MED12L: variants seen among roughly 807,000 people sequenced by gnomAD.
MED12L encodes the protein mediator of RNA polymerase II transcription subunit 12-like protein.
In MED12L, 60 loss-of-function variants were observed where a neutral mutation model predicts 281.3. That is an observed-to-expected ratio of 0.21 (90% CI 0.17 to 0.26). The LOEUF (loss-of-function observed/expected upper bound fraction) is 0.26. Ranked by LOEUF, MED12L falls within the 10% of genes least tolerant of loss-of-function variation. The probability of loss-of-function intolerance (pLI) is 1.00; values close to 1 mark genes in which losing one functional copy is unlikely to be tolerated. For synonymous variants in MED12L, 974 were observed against 987.2 expected (o/e 0.99, Z 0.25); for missense variants, 2,146 against 2,680.9 (o/e 0.80, Z 4.41).
At chr3:151,264,363 C>G (rs1024138664) in intron 16 of MED12L, among the ~76,000 whole-genome samples, 1 of 152,194 alleles carries the variant, frequency 6.6e-6, no homozygotes, top group African/African-American at 2.4e-5. Flanking sequence ...AATGGAAGAA[C>G]TGAACTCTTC....
rs1717576480 is a variant in MED12L at position 151,416,513 on chromosome 3, C to T, written c.6408+91C>T. 6 of 1,412,472 alleles carry T rather than the reference C, an allele frequency of 4.2e-6. No homozygotes were observed. In the South Asian group the frequency reaches 8.0e-5, roughly 19 times the overall value. The allele number at this position is 1,412,472 out of a possible 1,614,324, so 87.5% of individuals were successfully genotyped here. ...TGTTCATAAGATTGTTAAGAATCGA[C>T]AAAGCCTAAGTATACCCTAAAAATT... On this transcript the variant is annotated intron_variant, in intron 43 of 44. Coordinates refer to ENST00000687756, the MANE Select transcript of MED12L (RefSeq NM_001393769.1).
chr3:151,165,565 T>C (rs763030373), intron 10 of MED12L, 46 bp downstream of exon 10: 14 of 1,496,658 alleles, frequency 9.4e-6, no homozygotes, highest in Middle Eastern at 1.7e-4. Flanking sequence ...TGTTGGACTT[T>C]ATGCTGTGTT....
At chr3:151,373,781 A>C (rs944823200) in intron 27 of MED12L, among the ~76,000 whole-genome samples, 2 of 152,172 alleles carry the variant, frequency 1.3e-5, no homozygotes, top group African/African-American at 4.8e-5. Context: ...TGGTATTTTC[A>C]TAGTTTCTGG....
At chr3:151,320,994 A>G (rs1404074097) in intron 16 of MED12L, among the ~76,000 whole-genome samples, 2 of 152,204 alleles carry the variant, frequency 1.3e-5, no homozygotes, top group Non-Finnish European at 2.9e-5. Context: ...GTGTAGTTCC[A>G]CAGTGTTTGG....
chr3:151,205,823 C>G (rs1290363843), intron 16 of MED12L, among the ~76,000 whole-genome samples: 1 of 152,168 alleles, frequency 6.6e-6, no homozygotes, highest in African/African-American at 2.4e-5. Context: ...TCCGGTCCCC[C>G]TTCCCATTTA....
intron 2 of MED12L, among the ~76,000 whole-genome samples, chr3:151,100,177 T>G (rs1240942421): frequency 6.6e-6 from 1 of 152,210 alleles, no homozygotes; most frequent in Non-Finnish European, 1.5e-5. Context: ...GAGACGGAAT[T>G]GACACAGGGC....
chr3:151,413,299 C>T lies in MED12L; in HGVS notation c.6297+4C>T, dbSNP rs375418636. 108 of 1,613,502 alleles carry T rather than the reference C, an allele frequency of 6.7e-5. No homozygotes were observed. The highest frequency in any genetic ancestry group is 3.3e-4 in the Middle Eastern group (2 of 6,054). ...ACAGCAGCAGAGACTCCTCCAGGTACGGGGCAGGGAGATGAGGGCAATGCC... is the reference window on the plus strand; with the variant it reads ...ACAGCAGCAGAGACTCCTCCAGGTATGGGGCAGGGAGATGAGGGCAATGCC... On this transcript the variant is annotated splice_donor_region_variant and intron_variant, in intron 42 of 44. Coordinates refer to ENST00000687756, the MANE Select transcript of MED12L (RefSeq NM_001393769.1).
At chr3:151,272,952 G>C (rs1287850366) in intron 16 of MED12L, among the ~76,000 whole-genome samples, 1 of 152,116 alleles carries the variant, frequency 6.6e-6, no homozygotes, top group Admixed American at 6.6e-5. Context: ...AGTCCGAAGT[G>C]CTTCAATATC....
chr3:151,190,267 G>A (rs1033478105), intron 13 of MED12L, among the ~76,000 whole-genome samples: 3 of 151,934 alleles, frequency 2.0e-5, no homozygotes, highest in South Asian at 2.1e-4. Flanking sequence ...CGCCTCCCGG[G>A]TTCAAGCGAT....
chr3:151,280,331 G>A (rs1257347629), intron 16 of MED12L, among the ~76,000 whole-genome samples: 1 of 152,146 alleles, frequency 6.6e-6, no homozygotes, highest in African/African-American at 2.4e-5. Flanking sequence ...TGCATGTACT[G>A]TTCTAAACAC....
intron 16 of MED12L, chr3:151,328,082 G>A: frequency 6.2e-7 from 1 of 1,610,098 alleles, no homozygotes; most frequent in Non-Finnish European, 8.5e-7. Context: ...TAGCTTTTCT[G>A]TGAATTTTTT....
intron 16 of MED12L, among the ~76,000 whole-genome samples, chr3:151,318,851 G>A (rs906641051): frequency 6.6e-6 from 1 of 152,204 alleles, no homozygotes; most frequent in Non-Finnish European, 1.5e-5. Flanking sequence ...AACTTTATGT[G>A]TGATGGTGTT....
intron 16 of MED12L, among the ~76,000 whole-genome samples, chr3:151,221,897 T>C (rs553494190): frequency 2.7e-4 from 41 of 152,296 alleles, no homozygotes; most frequent in Middle Eastern, 3.4e-3. Context: ...GTAGATCCCC[T>C]GACAGCTTGC....
intron 16 of MED12L, among the ~76,000 whole-genome samples, chr3:151,288,307 T>C (rs1173335644): frequency 1.3e-5 from 2 of 152,254 alleles, no homozygotes; most frequent in African/African-American, 4.8e-5. Context: ...AACTTGTTCA[T>C]TAATATCTGA....
chr3:151,408,040 T>C (rs941961867), intron 39 of MED12L, among the ~76,000 whole-genome samples: 8 of 152,214 alleles, frequency 5.3e-5, no homozygotes, highest in African/African-American at 1.9e-4. Context: ...ATCCTTAATG[T>C]CACACATGGA....
intron 39 of MED12L, among the ~76,000 whole-genome samples, chr3:151,397,175 G>A (rs1715088296): frequency 6.6e-6 from 1 of 152,084 alleles, no homozygotes; most frequent in Non-Finnish European, 1.5e-5. Context: ...TCTTCAAATA[G>A]TAAAAGCTCC....
At position 151,372,453 on chromosome 3, in the gene MED12L, A is replaced by G. The variant is rs181751456; in HGVS notation, c.3665-114A>G. The G allele has an allele frequency of 9.0e-5, 66 of 732,612 alleles. No homozygotes were observed. In the East Asian group the frequency reaches 1.6e-3, roughly 18 times the overall value. 45.4% of individuals were successfully genotyped at this position (732,612 alleles called of 1,614,324 possible). ...CTATTCCTGAACAACTGGCTATTCA[A>G]TAATAATACTGTTCATATATTTTAA... On this transcript the variant is annotated intron_variant, in intron 26 of 44. Coordinates refer to ENST00000687756, the MANE Select transcript of MED12L (RefSeq NM_001393769.1).
chr3:151,245,551 C>T (rs1287118170), intron 16 of MED12L, among the ~76,000 whole-genome samples: 1 of 149,620 alleles, frequency 6.7e-6, no homozygotes, highest in Non-Finnish European at 1.5e-5. Flanking sequence ...CAGAAAAGGC[C>T]TTTGACAAAA....
At chr3:151,256,757 A>G (rs1333696941) in intron 16 of MED12L, among the ~76,000 whole-genome samples, 1 of 151,864 alleles carries the variant, frequency 6.6e-6, no homozygotes, top group African/African-American at 2.4e-5. Context: ...AAACTCATAC[A>G]AGCAGAGCAT....
Sources: allele counts gnomAD v4.1 joint callset (sites outside exome capture counted in the v4.1 genomes callset), GRCh38; gene constraint gnomAD v4.1.1; transcripts MANE v1.5; gene names NCBI Gene and HGNC (gene_info 2026-07-23, HGNC 2026-07-21).